The following GSE1 variants were observed in gnomAD, a reference collection of about 807,000 sequenced individuals.
GSE1 encodes the protein genetic suppressor element 1.
In GSE1, 32 loss-of-function variants were observed where a neutral mutation model predicts 112.6. The ratio of observed to expected loss-of-function variants is 0.28; its 90% confidence interval spans 0.21 to 0.38. The LOEUF (loss-of-function observed/expected upper bound fraction) is 0.38, where lower values mean the gene tolerates loss of function less well. Ranked by LOEUF, GSE1 falls within the 10% of genes least tolerant of loss-of-function variation. The pLI, the probability that GSE1 is intolerant of heterozygous loss-of-function variation, is 1.00. For missense variants in GSE1, 2,348 were observed against 1,699.2 expected (o/e 1.38, Z -6.71); for synonymous variants, 1,115 against 735.6 (o/e 1.52, Z -8.35).
intron 1 of GSE1, among the ~76,000 whole-genome samples, chr16:85,556,723 T>C (rs1195081412): frequency 6.9e-6 from 1 of 144,450 alleles, no homozygotes; most frequent in African/African-American, 2.6e-5. Flanking sequence ...GTTACTTTCC[T>C]GCAGGCCGCC....
Position 85,419,725 on chromosome 16 carries a change from A to T in GSE1, c.2464+62082A>T, listed in dbSNP as rs528377949. 2.5e-3 allele frequency among the ~76,000 whole-genome samples: 379 copies of T among 152,006 alleles called. 1 individual carries two copies. The highest frequency in any genetic ancestry group is 8.7e-3 in the African/African-American group (361 of 41,474). On this transcript the variant is annotated intron_variant, in intron 2 of 2. Transcript: ENST00000637419. This position sits in a 1 kb window ranked among gnomAD's most constrained non-coding sequence, Gnocchi z 6.5. ...GAATGCACGTTGGAATCAGCTGGGG[A>T]TCTCTAAAAACCCCTCTGATGCCTG...
chr16:85,259,259 C>A (rs2144091154), intron 1 of GSE1, among the ~76,000 whole-genome samples: 1 of 152,218 alleles, frequency 6.6e-6, no homozygotes, highest in Non-Finnish European at 1.5e-5. Context: ...TGTGCAGCCC[C>A]CGTCCTGCCC....
At chr16:85,205,948 C>A (rs1466219831) in intron 1 of GSE1, among the ~76,000 whole-genome samples, 2 of 152,224 alleles carry the variant, frequency 1.3e-5, no homozygotes, top group Non-Finnish European at 2.9e-5. Context: ...AGACACAGCT[C>A]CTCCCTCACG....
chr16:85,264,732 G>C (rs1367004538), intron 1 of GSE1, among the ~76,000 whole-genome samples: 3 of 152,210 alleles, frequency 2.0e-5, no homozygotes, highest in Admixed American at 6.5e-5. Flanking sequence ...GTCCCAGTGT[G>C]TGTAGAGTCA....
intron 2 of GSE1, among the ~76,000 whole-genome samples, chr16:85,385,121 C>T (rs911834934): frequency 6.6e-6 from 1 of 152,244 alleles, no homozygotes; most frequent in Non-Finnish European, 1.5e-5. Context: ...CCAAGGAAGC[C>T]CTTTGTGCCA....
intron 12 of GSE1, 119 bp downstream of exon 12, chr16:85,665,247 C>T (rs995417969): frequency 1.6e-6 from 1 of 632,372 alleles, no homozygotes; most frequent in Admixed American, 2.5e-5. Context: ...AGGCTGTCTT[C>T]TTCCATTCTT....
intron 1 of GSE1, among the ~76,000 whole-genome samples, chr16:85,328,271 C>T (rs1489041486): frequency 6.6e-6 from 1 of 152,224 alleles, no homozygotes; most frequent in African/African-American, 2.4e-5. Flanking sequence ...CTGGAATTCC[C>T]TGTCCAGGGT....
At chr16:85,242,499 T>G (rs1302733636) in intron 1 of GSE1, among the ~76,000 whole-genome samples, 7 of 152,214 alleles carry the variant, frequency 4.6e-5, no homozygotes, top group Non-Finnish European at 1.0e-4. Flanking sequence ...TTTGCACTGG[T>G]CCTTCTTCTA....
intron 1 of GSE1, among the ~76,000 whole-genome samples, chr16:85,613,951 TGGTC>T (rs1292411800): frequency 2.7e-5 from 4 of 146,020 alleles, no homozygotes; most frequent in Non-Finnish European, 6.1e-5. Flanking sequence ...TCGGGGGAGT[TGGTC>T]GGGAGGGCGG....
At chr16:85,326,692 C>T (rs1291718640) in intron 1 of GSE1, among the ~76,000 whole-genome samples, 1 of 152,218 alleles carries the variant, frequency 6.6e-6, no homozygotes, top group Non-Finnish European at 1.5e-5. Context: ...ATTCCTCAGT[C>T]TCGGATATTT....
chr16:85,609,135 T>G (rs1270634763), upstream of GSE1, among the ~76,000 whole-genome samples: 2 of 152,230 alleles, frequency 1.3e-5, no homozygotes, highest in African/African-American at 2.4e-5. Context: ...GGTGGTGGTC[T>G]GTGCTGTCAT....
In GSE1 at chr16:85,504,711, G is replaced by A. The variant is rs1024827272; in HGVS notation, c.2465-129203G>A. ...TAAATATTAAGTAAATTTATTTGTCGGGATGTCTGGGGCTGCAGGTTACAG... is the reference window on the plus strand; with the variant it reads ...TAAATATTAAGTAAATTTATTTGTCAGGATGTCTGGGGCTGCAGGTTACAG... On this transcript the variant is annotated intron_variant, in intron 2 of 2. Transcript: ENST00000637419. Among the ~76,000 whole-genome samples, 8 of 152,216 alleles carry A rather than the reference G, an allele frequency of 5.3e-5. No homozygotes were observed. In the South Asian group the frequency reaches 6.2e-4, roughly 12 times the overall value.
intron 1 of GSE1, among the ~76,000 whole-genome samples, chr16:85,319,994 C>T (rs985784921): frequency 9.2e-5 from 14 of 152,218 alleles, no homozygotes; most frequent in African/African-American, 3.4e-4. Context: ...CCAGCCGGTT[C>T]GCTTCTCCTT....
chr16:85,292,390 G>A (rs1237312538), intron 1 of GSE1, among the ~76,000 whole-genome samples: 1 of 151,120 alleles, frequency 6.6e-6, no homozygotes, highest in Admixed American at 6.6e-5. Flanking sequence ...GTGCAGTGGC[G>A]CGATCTTGGC....
At chr16:85,663,138 C>A in intron 10 of GSE1, 45 bp downstream of exon 10, 5 of 1,376,006 alleles carry the variant, frequency 3.6e-6, no homozygotes, top group Non-Finnish European at 5.2e-6. Context: ...GCTGGGCTCT[C>A]GTTCCTAGCG....
At chr16:85,594,760 T>A (rs1046034777) in intron 1 of GSE1, 16 of 152,300 alleles carry the variant, frequency 1.1e-4, no homozygotes, top group African/African-American at 3.4e-4. Context: ...ATAAAGTCTG[T>A]CGAGTGACAC....
At chr16:85,529,154 G>C (rs1212876133) in intron 2 of GSE1, among the ~76,000 whole-genome samples, 4 of 152,150 alleles carry the variant, frequency 2.6e-5, no homozygotes, top group Non-Finnish European at 5.9e-5. Context: ...TCCAATTCCG[G>C]ATGTGCAGGT....
intron 3 of GSE1, 67 bp from the exon 4 acceptor site, chr16:85,654,211 T>C: frequency 7.0e-7 from 1 of 1,434,554 alleles, no homozygotes; most frequent in African/African-American, 1.4e-5. Context: ...TCAGGAGACC[T>C]GGCTGTGTCC....
chr16:85,624,466 G>T (rs1013609700), intron 1 of GSE1, among the ~76,000 whole-genome samples: 12 of 152,024 alleles, frequency 7.9e-5, no homozygotes, highest in South Asian at 2.1e-4. Context: ...AGCCGTGTAG[G>T]TCCCGTCCGT....
Sources: allele counts gnomAD v4.1 joint callset (sites outside exome capture counted in the v4.1 genomes callset), GRCh38; gene constraint gnomAD v4.1.1; non-coding constraint Gnocchi (gnomAD v3.1); transcripts MANE v1.5; gene names NCBI Gene and HGNC (gene_info 2026-07-23, HGNC 2026-07-21).